The following GOT2 variants were observed in gnomAD, a reference collection of about 807,000 sequenced individuals.
GOT2 encodes the protein glutamic-oxaloacetic transaminase 2.
In GOT2, 17 loss-of-function variants were observed where a neutral mutation model predicts 50.0. The ratio of observed to expected loss-of-function variants is 0.34; its 90% CI spans 0.23 to 0.51. The LOEUF is 0.51. Among genes scored for constraint, GOT2 ranks in the 20% least tolerant of loss-of-function variants. The probability of loss-of-function intolerance (pLI) is 0.97; values close to 1 mark genes in which losing one functional copy is unlikely to be tolerated. For synonymous variants in GOT2, 172 were observed against 204.9 expected (o/e 0.84, Z 1.37); for missense variants, 430 against 559.6 (o/e 0.77, Z 2.34).
At chr16:58,729,463 C>G (rs1259176261) in intron 1 of GOT2, among the ~76,000 whole-genome samples, 1 of 140,884 alleles carries the variant, frequency 7.1e-6, no homozygotes, top group Non-Finnish European at 1.5e-5. Context: ...GTGTTTGAGA[C>G]AAGCCTGGGC....
At chr16:58,715,967 C>G in intron 8 of GOT2, 47 bp downstream of exon 8, 2 of 1,442,062 alleles carry the variant, frequency 1.4e-6, no homozygotes, top group Non-Finnish European at 1.9e-6. Context: ...TTTGAAGGAG[C>G]AGTGGTGGGA....
intron 1 of GOT2, among the ~76,000 whole-genome samples, chr16:58,726,294 T>G (rs1276299883): frequency 6.6e-6 from 1 of 152,120 alleles, no homozygotes; most frequent in Non-Finnish European, 1.5e-5. Context: ...CAAGCGATTC[T>G]CCTGCCTCAG....
chr16:58,715,783 C>T (rs2044687062), intron 8 of GOT2, among the ~76,000 whole-genome samples: 1 of 152,188 alleles, frequency 6.6e-6, no homozygotes, highest in Admixed American at 6.5e-5. Context: ...AACTCCCGAC[C>T]TCAGGTGATC....
intron 8 of GOT2, among the ~76,000 whole-genome samples, chr16:58,710,333 C>T (rs1434687504): frequency 6.6e-6 from 1 of 152,098 alleles, no homozygotes; most frequent in Non-Finnish European, 1.5e-5. Flanking sequence ...GATCCTCCTG[C>T]CTCAGCCTCC....
chr16:58,732,596 A>G (rs1392371416), intron 1 of GOT2, among the ~76,000 whole-genome samples: 2 of 152,216 alleles, frequency 1.3e-5, no homozygotes, highest in African/African-American at 4.8e-5. Flanking sequence ...GAGATGTAAC[A>G]GTGAATATAA....
rs1355731509 is a variant in GOT2, at chr16:58,722,289, G to T, written c.247-11C>A. The T allele has an allele frequency of 1.2e-6, 2 of 1,611,852 alleles. No individual in the cohort carries two copies. On this transcript the variant is annotated splice_polypyrimidine_tract_variant and intron_variant, in intron 2 of 9. Transcript: ENST00000245206. Reference sequence around the variant, plus strand: ...AATCTGGGCCTCTGCCTAGACAAGAGAAAATACATCCATTGAATTTCTTCT... The same window carrying T: ...AATCTGGGCCTCTGCCTAGACAAGATAAAATACATCCATTGAATTTCTTCT...
rs76210681 is a variant in GOT2, at chr16:58,713,209, T to A, written c.1019+2805A>T. On this transcript the variant is annotated intron_variant, in intron 8 of 9. Transcript: ENST00000245206. ...AAAAAAAAAGCTGAGTTAGAATAGC[T>A]AGAGTTATGGTTAATTTTTTCCCTT... Among the ~76,000 whole-genome samples the A allele has an allele frequency of 3.5e-3, 530 of 152,274 alleles. 2 individuals carry two copies. The highest frequency in any genetic ancestry group is 0.01 in the Middle Eastern group (3 of 294).
At chr16:58,723,332 T>A (rs569228041) in intron 2 of GOT2, among the ~76,000 whole-genome samples, 1 of 152,200 alleles carries the variant, frequency 6.6e-6, no homozygotes, top group Admixed American at 6.5e-5. Flanking sequence ...AGAGCATGCC[T>A]GTGTACAAAG....
At chr16:58,712,889 C>A (rs558660634) in intron 8 of GOT2, among the ~76,000 whole-genome samples, 1 of 152,230 alleles carries the variant, frequency 6.6e-6, no homozygotes, top group South Asian at 2.1e-4. Flanking sequence ...GTGCTAAGGT[C>A]GGGAGTTCGA....
intron 1 of GOT2, among the ~76,000 whole-genome samples, chr16:58,727,322 G>C (rs933327799): frequency 6.6e-6 from 1 of 150,986 alleles, no homozygotes; most frequent in Non-Finnish European, 1.5e-5. Flanking sequence ...TGATGGCCTA[G>C]TTTCCTTGGT....
chr16:58,730,198 G>A (rs559563098), intron 1 of GOT2, among the ~76,000 whole-genome samples: 2 of 152,242 alleles, frequency 1.3e-5, no homozygotes, highest in East Asian at 3.9e-4. Context: ...CAGAGGCATG[G>A]GAGGTTTTTT....
chr16:58,722,965 A>G (rs1247445406), intron 2 of GOT2, among the ~76,000 whole-genome samples: 1 of 152,196 alleles, frequency 6.6e-6, no homozygotes, highest in African/African-American at 2.4e-5. Flanking sequence ...AAGAACTTCG[A>G]AGTGTTAACA....
At chr16:58,719,332 C>T (rs1000770631) in intron 3 of GOT2, 77 bp from the exon 4 acceptor site, 90 of 925,110 alleles carry the variant, frequency 9.7e-5, no homozygotes, top group Non-Finnish European at 1.4e-4. Context: ...CTGCTTTGTC[C>T]AGGACCTTTC....
intron 1 of GOT2, 72 bp from the exon 2 acceptor site, chr16:58,723,974 G>GAT: frequency 7.3e-7 from 1 of 1,374,568 alleles, no homozygotes; most frequent in Non-Finnish European, 1.0e-6. Flanking sequence ...TTATTTATGA[G>GAT]ATAGACTCTT....
At chr16:58,714,335 G>A in intron 8 of GOT2, among the ~76,000 whole-genome samples, 1 of 152,098 alleles carries the variant, frequency 6.6e-6, no homozygotes, top group Non-Finnish European at 1.5e-5. Context: ...TGGTTCACTT[G>A]ATGCCAGGAG....
chr16:58,730,527 C>T (rs576484696), intron 1 of GOT2, among the ~76,000 whole-genome samples: 15 of 152,066 alleles, frequency 9.9e-5, no homozygotes, highest in African/African-American at 3.1e-4. Context: ...TGTGTGCCAC[C>T]GTGCCTGGCT....
Position 58,723,796 on chromosome 16 carries a change from C to A in GOT2, c.196G>T (p.Ala66Ser). 1 of 1,612,764 alleles carries A rather than the reference C, an allele frequency of 6.2e-7. No individual in the cohort carries two copies. Among genetic ancestry groups the A allele is most frequent in the Non-Finnish European group, 8.5e-7 (1 of 1,178,796 alleles). Residue 66 changes from alanine (A) to serine (S), a missense_variant, in exon 2 of 10, where the codon GCC becomes TCC. Physicochemically the swap from Ala to Ser is moderately conservative, Grantham distance 99 (BLOSUM62 1). Transcript: ENST00000245206. ...GGCTTTCCATTATCATCCCGGTAGG[C>A]ACCAACTCCCAGATTCATCTTTTTG... ...NSKKMNLGVG[A>S]YRDDNGKPYV...
Position 58,707,893 on chromosome 16 carries a change from G to A in GOT2, c.*278C>T, listed in dbSNP as rs112684571. On this transcript the variant is annotated 3_prime_UTR_variant, in exon 10 of 10. Transcript: ENST00000245206. ...GCATAATTGACAGGTTTTTTGGTGC[G>A]ATGACTTTCTTGCACATGTAAACTC... 4.3e-3 allele frequency: 1,077 copies of A among 252,122 alleles called. 12 individuals are homozygous for A. Among genetic ancestry groups the A allele is most frequent in the African/African-American group, 0.022 (1,000 of 44,694 alleles). The allele number at this position is 252,122 out of a possible 1,614,324, so 15.6% of individuals were successfully genotyped here.
intron 7 of GOT2, 81 bp downstream of exon 7, chr16:58,716,582 A>ACC: frequency 2.5e-6 from 3 of 1,202,808 alleles, no homozygotes; most frequent in Non-Finnish European, 3.6e-6. Flanking sequence ...ACACACACAC[A>ACC]CACACACCCA....
Sources: allele counts gnomAD v4.1 joint callset (sites outside exome capture counted in the v4.1 genomes callset), GRCh38; gene constraint gnomAD v4.1.1; transcripts MANE v1.5; gene names NCBI Gene and HGNC (gene_info 2026-07-23, HGNC 2026-07-21).